The following KCNU1 variants were observed in gnomAD, a reference collection of about 807,000 sequenced individuals.
KCNU1 encodes potassium calcium-activated channel subfamily U member 1.
In KCNU1, 93 loss-of-function variants were observed where a neutral mutation model predicts 126.8. That is an observed-to-expected ratio of 0.73 (90% confidence interval 0.62 to 0.87). KCNU1 has a LOEUF of 0.87. Among genes scored for constraint, KCNU1 ranks in the 40% least tolerant of loss-of-function variants. The pLI, the probability that KCNU1 is intolerant of heterozygous loss-of-function variation, is 0.00. For synonymous variants in KCNU1, 523 were observed against 494.2 expected (o/e 1.06, Z -0.77); for missense variants, 1,330 against 1,367.1 (o/e 0.97, Z 0.43).
chr8:36,808,763 C>G lies in KCNU1; in HGVS notation c.702C>G (p.Thr234=). The G allele has an allele frequency of 1.2e-6, 2 of 1,611,920 alleles. No homozygotes were observed. ...FSKLLSIILS[T]WFTAAGFIHL... ...AACTGCTGTCAATAATTCTCAGTAC[C>G]TGGTTCACAGCTGCGGGATTCATTC... is the stretch of plus-strand genomic sequence containing the variant. Residue 234 remains threonine, a synonymous_variant, in exon 7 of 27, where the codon ACC becomes ACG. Transcript: ENST00000399881.
chr8:36,817,914 T>A (rs1182069350), intron 10 of KCNU1, among the ~76,000 whole-genome samples, 154 bp downstream of exon 10: 1 of 152,190 alleles, frequency 6.6e-6, no homozygotes, highest in African/African-American at 2.4e-5. Flanking sequence ...TTGACCAAGC[T>A]AATCTCTGCA....
At chr8:36,907,914 C>T (rs756280786) in intron 20 of KCNU1, among the ~76,000 whole-genome samples, 6 of 152,128 alleles carry the variant, frequency 3.9e-5, no homozygotes, top group Non-Finnish European at 8.8e-5. Flanking sequence ...AGTTATTGAA[C>T]AACTTTTAGT....
intron 10 of KCNU1, among the ~76,000 whole-genome samples, chr8:36,831,688 A>AT (rs1804554202): frequency 1.4e-5 from 2 of 145,542 alleles, no homozygotes; most frequent in Admixed American, 1.4e-4. Context: ...GGTTGTGAAA[A>AT]TTTTCTCCCA....
chr8:36,896,667 G>C lies in KCNU1; in HGVS notation c.2010-9041G>C, dbSNP rs181124935. The stretch of plus-strand genomic sequence containing the variant: ...TGAGAAAGAAGGTCCGTTCCTTTGA[G>C]GTGATCAAATAGAAGAGGTTGGAGG... On this transcript the variant is annotated intron_variant, in intron 19 of 26. Coordinates refer to ENST00000399881, the MANE Select transcript of KCNU1 (RefSeq NM_001031836.3). 3.3e-5 allele frequency among the ~76,000 whole-genome samples: 5 copies of C among 152,086 alleles called. No homozygotes were observed. The East Asian group carries it at 7.8e-4, about 24-fold the overall frequency.
intron 19 of KCNU1, among the ~76,000 whole-genome samples, chr8:36,905,435 T>C (rs907601263): frequency 1.4e-5 from 2 of 147,774 alleles, no homozygotes; most frequent in African/African-American, 5.0e-5. Flanking sequence ...GAAATAACTA[T>C]CTTCAAGGTA....
At chr8:36,911,141 A>G (rs1462322517) in intron 22 of KCNU1, 22 bp downstream of exon 22, 1 of 1,556,882 alleles carries the variant, frequency 6.4e-7, no homozygotes, top group East Asian at 2.3e-5. Flanking sequence ...ACCCCTGAAA[A>G]GAAGAAACTA....
chr8:36,804,288 G>A (rs1264011154), intron 3 of KCNU1, among the ~76,000 whole-genome samples, 200 bp downstream of exon 3: 1 of 152,040 alleles, frequency 6.6e-6, no homozygotes, highest in East Asian at 1.9e-4. Flanking sequence ...GAGTTTCCTT[G>A]TATCCTGCCA....
chr8:36,811,239 T>A (rs577367261), intron 7 of KCNU1, among the ~76,000 whole-genome samples: 4 of 152,204 alleles, frequency 2.6e-5, no homozygotes, highest in Non-Finnish European at 5.9e-5. Flanking sequence ...ACCAGAAAGA[T>A]GTTTTAAAAC....
At chr8:36,904,928 T>C (rs1236988960) in intron 19 of KCNU1, among the ~76,000 whole-genome samples, 1 of 152,192 alleles carries the variant, frequency 6.6e-6, no homozygotes, top group Non-Finnish European at 1.5e-5. Flanking sequence ...TCTGCAGTGT[T>C]AAGCCTAGAT....
At chr8:36,884,663 G>A (rs1485707938) in intron 19 of KCNU1, among the ~76,000 whole-genome samples, 1 of 152,112 alleles carries the variant, frequency 6.6e-6, no homozygotes, top group Non-Finnish European at 1.5e-5. Flanking sequence ...TTGAACCCAG[G>A]AGGTGGAGGT....
intron 1 of KCNU1, among the ~76,000 whole-genome samples, chr8:36,785,568 T>A (rs910953687): frequency 2.6e-5 from 4 of 152,216 alleles, no homozygotes; most frequent in African/African-American, 9.6e-5. Flanking sequence ...TACTGAAGCT[T>A]ATAGATTTTG....
intron 18 of KCNU1, 125 bp from the exon 19 acceptor site, chr8:36,864,279 C>A (rs1393898946): frequency 7.4e-6 from 5 of 674,790 alleles, no homozygotes; most frequent in African/African-American, 7.1e-5. Flanking sequence ...TAGAACTAGG[C>A]TGTAGCTGAG....
chr8:36,806,305 G>A lies in KCNU1; in HGVS notation c.505G>A (p.Glu169Lys). The A allele has an allele frequency of 6.2e-7, 1 of 1,611,230 alleles. No homozygotes were observed. The highest frequency in any genetic ancestry group is 8.5e-7 in the Non-Finnish European group (1 of 1,178,624). The change falls in exon 5 of 27, where the codon GAG becomes AAG. Residue 169 changes from glutamate (E) to lysine (K), a missense_variant. Glu to Lys is a moderately conservative substitution (Grantham distance 56). Around this residue, in one of 3 missense-constraint regions of KCNU1, gnomAD observed 247 missense variants for 255.4 expected, o/e 0.97. Coordinates refer to ENST00000399881, the MANE Select transcript of KCNU1 (RefSeq NM_001031836.3). ...TGATGACAAGATCAAGTTCTGGCTGGAGATGAATTCAATCGTAGACATCTT... is the reference window on the plus strand; with the variant it reads ...TGATGACAAGATCAAGTTCTGGCTGAAGATGAATTCAATCGTAGACATCTT... ...AADDKIKFWL[E>K]MNSIVDIFTI...
At chr8:36,885,798 A>G (rs1806678315) in intron 19 of KCNU1, among the ~76,000 whole-genome samples, 1 of 152,176 alleles carries the variant, frequency 6.6e-6, no homozygotes, top group South Asian at 2.1e-4. Flanking sequence ...GTCTAAAAAA[A>G]AAGAAAAAGG....
At chr8:36,806,512 A>G (rs1803508698) in intron 5 of KCNU1, 132 bp downstream of exon 5, 1 of 595,662 alleles carries the variant, frequency 1.7e-6, no homozygotes, top group Non-Finnish European at 3.0e-6. Context: ...CCTTAATAGT[A>G]TGGTTTTGTC....
rs1479115678 is a variant in KCNU1, at chr8:36,889,340, C to T, written c.2010-16368C>T. The stretch of plus-strand genomic sequence containing the variant: ...TTTGGTAATTACTTTGGATCTATCA[C>T]CTGTCATCATAACTGGCTGCCACTT... On this transcript the variant is annotated intron_variant, in intron 19 of 26. Coordinates refer to ENST00000399881, the MANE Select transcript of KCNU1 (RefSeq NM_001031836.3). 11 of 473,248 alleles carry T rather than the reference C, an allele frequency of 2.3e-5. No individual in the cohort carries two copies. In the East Asian group the frequency reaches 6.5e-4, roughly 28 times the overall value. 29.3% of individuals were successfully genotyped at this position (473,248 alleles called of 1,614,324 possible).
At chr8:36,855,159 C>T (rs989266051) in intron 18 of KCNU1, among the ~76,000 whole-genome samples, 4 of 152,104 alleles carry the variant, frequency 2.6e-5, no homozygotes, top group African/African-American at 7.2e-5. Context: ...TACAGCTTTA[C>T]ACAGTTCTGG....
chr8:36,832,432 T>C (rs1223139117), intron 10 of KCNU1, among the ~76,000 whole-genome samples: 1 of 152,160 alleles, frequency 6.6e-6, no homozygotes, highest in Non-Finnish European at 1.5e-5. Flanking sequence ...AGTTTAGGCT[T>C]TTTATTTTTT....
intron 10 of KCNU1, among the ~76,000 whole-genome samples, chr8:36,821,319 G>A (rs1804114853): frequency 6.6e-6 from 1 of 152,156 alleles, no homozygotes; most frequent in East Asian, 1.9e-4. Flanking sequence ...CAGAATTTCT[G>A]TAGACCCGTG....
Sources: allele counts gnomAD v4.1 joint callset (sites outside exome capture counted in the v4.1 genomes callset), GRCh38; gene constraint gnomAD v4.1.1; regional missense constraint gnomAD v4.1.1; transcripts MANE v1.5; gene names NCBI Gene and HGNC (gene_info 2026-07-23, HGNC 2026-07-21).